The following FHIT variants were observed in gnomAD, a reference collection of about 807,000 sequenced individuals.
The protein encoded by FHIT is bis(5'-adenosyl)-triphosphatase.
In FHIT, 19 loss-of-function variants were observed where a neutral mutation model predicts 17.9. That is an observed-to-expected ratio of 1.06 (90% CI 0.74 to 1.56). The LOEUF (loss-of-function observed/expected upper bound fraction) is 1.56. FHIT is among the 40% of genes most tolerant of loss of function. FHIT has a pLI of 0.00. For synonymous variants in FHIT, 81 were observed against 69.7 expected (o/e 1.16, Z -0.81); for missense variants, 248 against 189.2 (o/e 1.31, Z -1.82).
At chr3:60,413,707 C>A (rs2107234913) in intron 5 of FHIT, among the ~76,000 whole-genome samples, 1 of 152,002 alleles carries the variant, frequency 6.6e-6, no homozygotes, top group South Asian at 2.1e-4. Flanking sequence ...TTCTTTTAAA[C>A]TGCTTACAAA....
At chr3:60,808,584 T>C (rs1701474782) in intron 4 of FHIT, among the ~76,000 whole-genome samples, 1 of 152,174 alleles carries the variant, frequency 6.6e-6, no homozygotes. Flanking sequence ...AAAACCTCAC[T>C]GTATAAAAAA....
At chr3:60,642,438 G>A (rs888878017) in intron 4 of FHIT, among the ~76,000 whole-genome samples, 8 of 152,164 alleles carry the variant, frequency 5.3e-5, no homozygotes, top group Non-Finnish European at 1.2e-4. Flanking sequence ...CATTTCACAA[G>A]AGGCCCAAAG....
intron 3 of FHIT, among the ~76,000 whole-genome samples, chr3:60,910,270 A>T (rs1415677030): frequency 6.6e-6 from 1 of 152,156 alleles, no homozygotes; most frequent in Non-Finnish European, 1.5e-5. Flanking sequence ...CTGCTTAGAG[A>T]TATTTCTTCC....
intron 7 of FHIT, among the ~76,000 whole-genome samples, chr3:59,940,350 T>C (rs983671976): frequency 1.3e-5 from 2 of 152,190 alleles, no homozygotes; most frequent in Non-Finnish European, 2.9e-5. Flanking sequence ...TTTTTTTAAT[T>C]TAACTTTCTC....
intron 3 of FHIT, among the ~76,000 whole-genome samples, chr3:60,826,562 A>G (rs951533657): frequency 6.6e-6 from 1 of 152,102 alleles, no homozygotes; most frequent in African/African-American, 2.4e-5. Context: ...TTTTTTAAGG[A>G]TGAAACTCAA....
At chr3:60,348,675 T>C (rs1269857776) in intron 5 of FHIT, among the ~76,000 whole-genome samples, 3 of 152,196 alleles carry the variant, frequency 2.0e-5, no homozygotes, top group African/African-American at 7.2e-5. Context: ...CCATGTAATT[T>C]GCAATGTCTT....
chr3:60,987,796 T>G (rs1036326003), intron 3 of FHIT, among the ~76,000 whole-genome samples: 1 of 152,198 alleles, frequency 6.6e-6, no homozygotes, highest in Non-Finnish European at 1.5e-5. Flanking sequence ...CTAGGAGGTA[T>G]GATTCTTTGA....
intron 5 of FHIT, among the ~76,000 whole-genome samples, chr3:60,203,742 A>G (rs1703027318): frequency 6.6e-6 from 1 of 152,180 alleles, no homozygotes; most frequent in Admixed American, 6.5e-5. Flanking sequence ...TGCAAGAGAG[A>G]TGATAGTTAA....
chr3:60,431,562 T>A (rs1286960051), intron 5 of FHIT, among the ~76,000 whole-genome samples: 1 of 152,136 alleles, frequency 6.6e-6, no homozygotes, highest in South Asian at 2.1e-4. Context: ...TTTAAGTATA[T>A]ATTTTAATTA....
At chr3:60,563,658 G>T (rs1199887442) in intron 4 of FHIT, among the ~76,000 whole-genome samples, 1 of 152,154 alleles carries the variant, frequency 6.6e-6, no homozygotes, top group Non-Finnish European at 1.5e-5. Flanking sequence ...AGTTTGAGTG[G>T]TCTGGATAGA....
At chr3:59,801,963 T>C (rs1345665275) in intron 8 of FHIT, among the ~76,000 whole-genome samples, 1 of 152,156 alleles carries the variant, frequency 6.6e-6, no homozygotes, top group African/African-American at 2.4e-5. Flanking sequence ...TGGAAAGCCA[T>C]TTTCCAGACT....
intron 7 of FHIT, among the ~76,000 whole-genome samples, chr3:59,976,588 A>G (rs1708422088): frequency 6.6e-6 from 1 of 152,012 alleles, no homozygotes; most frequent in Non-Finnish European, 1.5e-5. Flanking sequence ...TCTAATATTT[A>G]ACATCTCCAG....
chr3:60,824,764 T>A (rs1295851669), intron 3 of FHIT, among the ~76,000 whole-genome samples: 1 of 152,154 alleles, frequency 6.6e-6, no homozygotes, highest in East Asian at 1.9e-4. Context: ...GTTTAAAACA[T>A]GGGAGTCTCT....
chr3:60,927,534 G>A (rs1707698207), intron 3 of FHIT, among the ~76,000 whole-genome samples: 1 of 152,002 alleles, frequency 6.6e-6, no homozygotes, highest in Admixed American at 6.5e-5. Flanking sequence ...CGTGTAGGAA[G>A]TGAGGAGCGT....
In FHIT at chr3:60,312,742, G is replaced by A. The variant is rs552397557; in HGVS notation, c.103+224118C>T. Among the ~76,000 whole-genome samples, 3 of 152,132 alleles carry A rather than the reference G, an allele frequency of 2.0e-5. No homozygotes were observed. The East Asian group carries it at 5.8e-4, about 29-fold the overall frequency. On this transcript the variant is annotated intron_variant, in intron 5 of 9. Coordinates refer to ENST00000492590, the MANE Select transcript of FHIT (RefSeq NM_002012.4). ...GAGGACCTACTTTATTTTTAACAAC[G>A]CCTCCCTGAAGTAGGTACTATGTAT... is the stretch of plus-strand genomic sequence containing the variant.
intron 7 of FHIT, among the ~76,000 whole-genome samples, chr3:59,986,537 A>ATTTATACATT (rs1559523636): frequency 0.035 from 149 of 4,240 alleles, no homozygotes; most frequent in East Asian, 0.21. Flanking sequence ...ATATATATAT[A>ATTTATACATT]TATACACACA....
chr3:60,803,393 TG>T (rs1701266635), intron 4 of FHIT, among the ~76,000 whole-genome samples: 1 of 152,200 alleles, frequency 6.6e-6, no homozygotes, highest in African/African-American at 2.4e-5. Context: ...TTAGAGGTTT[TG>T]TGAGCATTTT....
At chr3:60,675,825 C>A (rs1402900746) in intron 4 of FHIT, among the ~76,000 whole-genome samples, 2 of 152,198 alleles carry the variant, frequency 1.3e-5, no homozygotes, top group Non-Finnish European at 2.9e-5. Flanking sequence ...AAATCAAATT[C>A]TCAGAAGACT....
intron 3 of FHIT, among the ~76,000 whole-genome samples, chr3:60,847,687 C>T (rs527706787): frequency 2.0e-5 from 3 of 152,208 alleles, no homozygotes; most frequent in East Asian, 1.9e-4. Flanking sequence ...AATCCTTTTC[C>T]GTCCCTTCTC....
Sources: allele counts gnomAD v4.1 joint callset (sites outside exome capture counted in the v4.1 genomes callset), GRCh38; gene constraint gnomAD v4.1.1; transcripts MANE v1.5; gene names NCBI Gene and HGNC (gene_info 2026-07-23, HGNC 2026-07-21).